The following EPHA3 variants were observed in gnomAD, a reference collection of about 807,000 sequenced individuals.
EPHA3 encodes EPH receptor A3, also known as ephrin type-A receptor 3.
A neutral mutation model predicts 107.1 loss-of-function variants in EPHA3; 42 were observed. The observed-to-expected ratio is 0.39, with a 90% CI of 0.31 to 0.51. The LOEUF is 0.51. Among genes scored for constraint, EPHA3 ranks in the 20% least tolerant of loss-of-function variants. The probability of loss-of-function intolerance (pLI) is 0.78; values close to 1 mark genes in which losing one functional copy is unlikely to be tolerated. For synonymous variants in EPHA3, 461 were observed against 424.8 expected (o/e 1.09, Z -1.05); for missense variants, 1,183 against 1,211.2 (o/e 0.98, Z 0.35).
At chr3:89,166,390 A>C (rs1332706592) in intron 2 of EPHA3, among the ~76,000 whole-genome samples, 1 of 152,216 alleles carries the variant, frequency 6.6e-6, no homozygotes, top group Non-Finnish European at 1.5e-5. Context: ...TTTGCTTGAA[A>C]TAACTAAAAC....
chr3:89,355,078 T>G (rs2107448540), intron 5 of EPHA3, among the ~76,000 whole-genome samples: 2 of 150,876 alleles, frequency 1.3e-5, no homozygotes, highest in East Asian at 3.9e-4. Context: ...CTCCTTTCCC[T>G]TTTCATTTCA....
intron 1 of EPHA3, among the ~76,000 whole-genome samples, chr3:89,126,052 A>C (rs1408959727): frequency 6.6e-6 from 1 of 151,702 alleles, no homozygotes; most frequent in Non-Finnish European, 1.5e-5. Flanking sequence ...GGTGCTTTTC[A>C]TGTATCAGGA....
At position 89,357,859 on chromosome 3, in the gene EPHA3, GA is replaced by G. The variant is rs1179405829; in HGVS notation, c.1306+15776del. On this transcript the variant is annotated intron_variant, in intron 5 of 16. Coordinates refer to ENST00000336596, the MANE Select transcript of EPHA3 (RefSeq NM_005233.6). ...TGACATTTTTATATCTGAAAAGTTT[GA>G]AAAAAATCCCATCCATCTTCCCTGA... is the stretch of plus-strand genomic sequence containing the variant. 2.0e-5 allele frequency among the ~76,000 whole-genome samples: 3 copies of G among 151,040 alleles called. No homozygotes were observed. The Admixed American group carries it at 2.0e-4, about 10-fold the overall frequency.
chr3:89,137,950 C>T (rs1279305955), intron 2 of EPHA3, among the ~76,000 whole-genome samples: 1 of 151,620 alleles, frequency 6.6e-6, no homozygotes, highest in East Asian at 1.9e-4. Context: ...CATTAGAAAC[C>T]CTGAGGATGG....
chr3:89,358,097 G>A (rs1708005503), intron 5 of EPHA3, among the ~76,000 whole-genome samples: 1 of 151,074 alleles, frequency 6.6e-6, no homozygotes, highest in African/African-American at 2.4e-5. Flanking sequence ...AAATAATAAA[G>A]TTATAGAAAG....
At chr3:89,371,795 G>C (rs1708309439) in intron 5 of EPHA3, among the ~76,000 whole-genome samples, 1 of 151,450 alleles carries the variant, frequency 6.6e-6, no homozygotes, top group Admixed American at 6.6e-5. Context: ...AAAGTTTTAA[G>C]ACTGGATAAT....
chr3:89,268,456 A>G (rs1705587766), intron 3 of EPHA3, among the ~76,000 whole-genome samples: 1 of 152,134 alleles, frequency 6.6e-6, no homozygotes, highest in Admixed American at 6.6e-5. Context: ...TTAAAGGGAT[A>G]CTTCAAGTTT....
intron 2 of EPHA3, among the ~76,000 whole-genome samples, chr3:89,206,987 C>T (rs766272512): frequency 6.6e-6 from 1 of 151,722 alleles, no homozygotes; most frequent in African/African-American, 2.4e-5. Context: ...AAAATGAGTG[C>T]CTATCTTGTA....
intron 11 of EPHA3, among the ~76,000 whole-genome samples, chr3:89,425,170 G>A (rs1338624208): frequency 6.6e-6 from 1 of 150,956 alleles, no homozygotes; most frequent in African/African-American, 2.4e-5. Flanking sequence ...TTTGGAAGAC[G>A]TTGCCCTGTA....
intron 13 of EPHA3, among the ~76,000 whole-genome samples, chr3:89,447,456 C>G (rs1240733371): frequency 6.6e-6 from 1 of 152,142 alleles, no homozygotes; most frequent in African/African-American, 2.4e-5. Flanking sequence ...CTGAACAGCT[C>G]ATTTGTGCCA....
rs141674458 is a variant in EPHA3, at chr3:89,480,535, G to A, written c.*1033G>A. On this transcript the variant is annotated 3_prime_UTR_variant, in exon 17 of 17. Coordinates refer to ENST00000336596, the MANE Select transcript of EPHA3 (RefSeq NM_005233.6). ...GTGAAGGAGCCGTGTTAGAGCTTCC[G>A]AGAATAGCTCCACTGGAGAGAAGTG... 8 of 233,056 alleles carry A rather than the reference G, an allele frequency of 3.4e-5. 1 individual carries two copies. Among genetic ancestry groups the A allele is most frequent in the African/African-American group, 1.5e-4 (7 of 45,358 alleles). 14.4% of individuals were successfully genotyped at this position (233,056 alleles called of 1,614,324 possible).
chr3:89,146,691 G>A (rs1704566487), intron 2 of EPHA3, among the ~76,000 whole-genome samples: 1 of 151,844 alleles, frequency 6.6e-6, no homozygotes, highest in Admixed American at 6.6e-5. Context: ...AATTGCTTTT[G>A]GTGTTTTAGT....
chr3:89,204,311 T>C (rs9852981), intron 2 of EPHA3, among the ~76,000 whole-genome samples: 25,652 of 152,022 alleles, frequency 0.17, 2,462 homozygotes, highest in African/African-American at 0.27. Context: ...ATAGTAGCCA[T>C]TATAATTAAG....
intron 2 of EPHA3, among the ~76,000 whole-genome samples, chr3:89,160,730 C>T (rs1386056322): frequency 6.6e-6 from 1 of 152,024 alleles, no homozygotes; most frequent in African/African-American, 2.4e-5. Context: ...TGGTATATCT[C>T]TTTGGCAACT....
intron 11 of EPHA3, among the ~76,000 whole-genome samples, chr3:89,423,197 A>G (rs544002169): frequency 2.0e-5 from 3 of 151,572 alleles, no homozygotes; most frequent in South Asian, 2.1e-4. Flanking sequence ...AAAAATTACC[A>G]TGTAACTTAA....
chr3:89,415,801 C>G (rs1415230229), intron 10 of EPHA3, among the ~76,000 whole-genome samples: 1 of 151,172 alleles, frequency 6.6e-6, no homozygotes, highest in Non-Finnish European at 1.5e-5. Flanking sequence ...ATTTTATTAT[C>G]CTTTTTAGAT....
intron 2 of EPHA3, among the ~76,000 whole-genome samples, chr3:89,159,505 A>G (rs568345522): frequency 7.2e-5 from 11 of 152,232 alleles, no homozygotes; most frequent in African/African-American, 2.6e-4. Flanking sequence ...AAGGCTGTCA[A>G]TTGAAGTCAG....
chr3:89,228,689 C>G (rs775158377), intron 3 of EPHA3, among the ~76,000 whole-genome samples: 17 of 151,852 alleles, frequency 1.1e-4, no homozygotes, highest in Admixed American at 2.0e-4. Flanking sequence ...GTGCCGTGTT[C>G]TCTAGATATG....
chr3:89,115,417 T>A (rs1707228366), intron 1 of EPHA3, among the ~76,000 whole-genome samples: 2 of 152,106 alleles, frequency 1.3e-5, no homozygotes, highest in South Asian at 4.1e-4. Context: ...AAAACAGGAT[T>A]TTTCCTCTTC....
Sources: gnomAD v4.1 joint callset for allele counts (sites outside exome capture counted in the v4.1 genomes callset) on GRCh38, gnomAD v4.1.1 for gene constraint, MANE v1.5 for transcripts, NCBI Gene and HGNC (gene_info 2026-07-23, HGNC 2026-07-21) for gene names.